Variants in MTPN observed in about 807,000 individuals in gnomAD.
MTPN encodes the protein myotrophin.
A neutral mutation model predicts 13.5 loss-of-function variants in MTPN; 2 were observed. That is an observed-to-expected ratio of 0.15 (90% CI 0.06 to 0.47). The LOEUF (loss-of-function observed/expected upper bound fraction) is 0.47, where lower values mean the gene tolerates loss of function less well. MTPN is among the 20% of genes least tolerant of loss of function. The pLI is 0.97. For missense variants in MTPN, 79 were observed against 137.9 expected, an observed-to-expected ratio of 0.57 and a Z score of 2.14; for synonymous variants, 46 against 51.7, an observed-to-expected ratio of 0.89 and a Z score of 0.48.
chr7:135,976,391 A>G (rs1584824590), intron 1 of MTPN, among the ~76,000 whole-genome samples: 1 of 152,260 alleles, frequency 6.6e-6, no homozygotes, highest in African/African-American at 2.4e-5. Flanking sequence ...TACCTTAAAC[A>G]TTCCCAGATG....
chr7:135,957,200 A>G (rs533487268), intron 1 of MTPN, among the ~76,000 whole-genome samples: 56 of 152,346 alleles, frequency 3.7e-4, no homozygotes, highest in Middle Eastern at 3.4e-3. Context: ...ATGTATATAC[A>G]TAACATACAT....
At chr7:135,975,562 G>A (rs1376726038) in intron 1 of MTPN, among the ~76,000 whole-genome samples, 1 of 152,198 alleles carries the variant, frequency 6.6e-6, no homozygotes, top group African/African-American at 2.4e-5. Context: ...TTTGGTAGCT[G>A]TAAGTTCAGT....
chr7:135,938,511 A>G (rs920667366), intron 3 of MTPN, among the ~76,000 whole-genome samples: 4 of 152,248 alleles, frequency 2.6e-5, no homozygotes, highest in Non-Finnish European at 5.9e-5. Flanking sequence ...TCAGGTCAGG[A>G]TTCTAGCAAC....
chr7:135,970,239 G>A (rs897175675), intron 1 of MTPN, among the ~76,000 whole-genome samples: 2 of 152,120 alleles, frequency 1.3e-5, no homozygotes, highest in African/African-American at 4.8e-5. Context: ...CTTTTTAAGC[G>A]GGAAAAACAG....
chr7:135,941,600 G>C (rs1352029464), intron 3 of MTPN, among the ~76,000 whole-genome samples: 1 of 152,126 alleles, frequency 6.6e-6, no homozygotes, highest in Non-Finnish European at 1.5e-5. Flanking sequence ...ACACACATGT[G>C]AGCAATGAGA....
intron 3 of MTPN, chr7:135,932,663 C>A (rs1176238453): frequency 6.6e-6 from 1 of 151,242 alleles, no homozygotes; most frequent in African/African-American, 2.4e-5. Flanking sequence ...TTATATCAGA[C>A]AAAAGAAGCC....
intron 1 of MTPN, among the ~76,000 whole-genome samples, chr7:135,972,231 G>GCGCGCGCGCACACACACA (rs779296906): frequency 1.4e-3 from 177 of 124,712 alleles, no homozygotes; most frequent in Middle Eastern, 7.7e-3. Context: ...GCACGCGCGC[G>GCGCGCGCGCACACACACA]CACACACACA....
Position 135,928,552 on chromosome 7 carries a change from T to C in MTPN, c.*1374A>G, listed in dbSNP as rs966587146. 6.0e-6 allele frequency: 1 copy of C among 167,084 alleles called. No individual in the cohort carries two copies. Among genetic ancestry groups the C allele is most frequent in the African/African-American group, 2.4e-5 (1 of 41,464 alleles). 10.4% of individuals were successfully genotyped at this position (167,084 alleles called of 1,614,324 possible). On this transcript the variant is annotated 3_prime_UTR_variant, in exon 4 of 4. Transcript: ENST00000393085. ...TTGCATGACTTGGTCTTAATATTTT[T>C]AGCAAGCTTATATGGATGGCAAGTC...
Position 135,928,501 on chromosome 7 carries a change from C to T in MTPN, c.*1425G>A, listed in dbSNP as rs529952411. ...GTATCAGTCCCTAACCCACCCTCCC[C>T]TAAAAATTTGAGGTACATTCAATTA... On this transcript the variant is annotated 3_prime_UTR_variant, in exon 4 of 4. Coordinates refer to ENST00000393085, the MANE Select transcript of MTPN (RefSeq NM_145808.4). 1 of 167,122 alleles carries T rather than the reference C, an allele frequency of 6.0e-6. No homozygotes were observed. The highest frequency in any genetic ancestry group is 1.9e-4 in the East Asian group (1 of 5,190). The allele number at this position is 167,122 out of a possible 1,614,324, so 10.4% of individuals were successfully genotyped here.
intron 1 of MTPN, among the ~76,000 whole-genome samples, chr7:135,973,050 A>G (rs972999708): frequency 6.6e-6 from 1 of 150,584 alleles, no homozygotes. Context: ...CACCATACCA[A>G]TGAGGAGCTG....
intron 1 of MTPN, among the ~76,000 whole-genome samples, chr7:135,970,312 G>A (rs905998417): frequency 6.6e-6 from 1 of 152,184 alleles, no homozygotes; most frequent in Admixed American, 6.5e-5. Context: ...GAGAATGGCT[G>A]ATTTGTTCAC....
chr7:135,954,671 G>A (rs753639141), intron 1 of MTPN, among the ~76,000 whole-genome samples: 3 of 152,174 alleles, frequency 2.0e-5, no homozygotes, highest in Admixed American at 1.3e-4. Context: ...GGCTGGGCAC[G>A]GTGGCTCACG....
In MTPN at chr7:135,951,550, C is replaced by T; in HGVS notation, c.153G>A (p.Leu51=). 6.2e-7 allele frequency: 1 copy of T among 1,613,110 alleles called. No homozygotes were observed. Among genetic ancestry groups the T allele is most frequent in the Non-Finnish European group, 8.5e-7 (1 of 1,179,416 alleles). Reference sequence around the variant, plus strand: ...CTGCTCCTTTCAGCAGCAGAAATTCCAGGATTTCAAGCTGCCCACAATCTG... The same window carrying T: ...CTGCTCCTTTCAGCAGCAGAAATTCTAGGATTTCAAGCTGCCCACAATCTG... ...YAADCGQLEI[L]EFLLLKGADI... Residue 51 remains leucine (L), a synonymous_variant, in exon 2 of 4, where the codon CTG becomes CTA. Transcript: ENST00000393085.
chr7:135,972,326 A>T (rs546303122), intron 1 of MTPN, among the ~76,000 whole-genome samples: 42 of 152,234 alleles, frequency 2.8e-4, no homozygotes, highest in African/African-American at 9.4e-4. Context: ...TGACCTTGTC[A>T]AGTTACTTCA....
chr7:135,956,465 G>A (rs1799445378), intron 1 of MTPN, among the ~76,000 whole-genome samples: 1 of 152,006 alleles, frequency 6.6e-6, no homozygotes, highest in Non-Finnish European at 1.5e-5. Context: ...TTTTCCTCTG[G>A]CTCTTCCACT....
chr7:135,975,380 T>C (rs1799758943), intron 1 of MTPN, among the ~76,000 whole-genome samples: 3 of 152,200 alleles, frequency 2.0e-5, no homozygotes, highest in Non-Finnish European at 2.9e-5. Flanking sequence ...GTTTCAGTTT[T>C]GGAGTCAGCA....
At chr7:135,975,562 G>GT (rs892502091) in intron 1 of MTPN, among the ~76,000 whole-genome samples, 3 of 152,198 alleles carry the variant, frequency 2.0e-5, no homozygotes, top group Admixed American at 2.0e-4. Flanking sequence ...TTTGGTAGCT[G>GT]TAAGTTCAGT....
In MTPN at chr7:135,965,937, A is replaced by G. The variant is rs141708944; in HGVS notation, c.72+11092T>C. Among the ~76,000 whole-genome samples, 650 of 152,294 alleles carry G rather than the reference A, an allele frequency of 4.3e-3. 3 individuals carry two copies. Among genetic ancestry groups the G allele is most frequent in the African/African-American group, 0.015 (623 of 41,566 alleles). ...CAAATGTAACGAAACTGTATGGCAG[A>G]TAACAGGCAATGTGATAACTGTTGA... is the stretch of plus-strand genomic sequence containing the variant. On this transcript the variant is annotated intron_variant, in intron 1 of 3. Transcript: ENST00000393085.
chr7:135,957,852 C>T (rs2116387911), intron 1 of MTPN, among the ~76,000 whole-genome samples: 1 of 152,222 alleles, frequency 6.6e-6, no homozygotes, highest in Admixed American at 6.5e-5. Flanking sequence ...ACCATGTGAT[C>T]TCTCTACACC....
Sources: allele counts gnomAD v4.1 joint callset (sites outside exome capture counted in the v4.1 genomes callset), GRCh38; gene constraint gnomAD v4.1.1; transcripts MANE v1.5; gene names NCBI Gene and HGNC (gene_info 2026-07-23, HGNC 2026-07-21).